The following MCPH1 variants were observed in gnomAD, a reference collection of about 807,000 sequenced individuals.
The protein encoded by MCPH1 is microcephalin 1, also known as microcephalin.
Under a neutral mutation model 84.5 loss-of-function variants are expected in MCPH1, and 104 were observed. That is an observed-to-expected ratio of 1.23 (90% CI 1.05 to 1.45). MCPH1 has a LOEUF of 1.45. Ranked by LOEUF, MCPH1 falls within the 40% of genes most tolerant of loss-of-function variation. The probability of loss-of-function intolerance (pLI) is 0.00; values close to 1 mark genes in which losing one functional copy is unlikely to be tolerated. For missense variants in MCPH1, 1,498 were observed against 1,005.7 expected, an observed-to-expected ratio of 1.49 and a Z score of -6.62; for synonymous variants, 514 against 366.8, an observed-to-expected ratio of 1.40 and a Z score of -4.58.
chr8:6,597,276 G>A (rs1215722013), intron 12 of MCPH1, among the ~76,000 whole-genome samples: 1 of 152,122 alleles, frequency 6.6e-6, no homozygotes, highest in African/African-American at 2.4e-5. Flanking sequence ...CTGTCGACCC[G>A]GAGCCAATGG....
intron 4 of MCPH1, among the ~76,000 whole-genome samples, chr8:6,432,147 G>T (rs2442523): frequency 0.67 from 101,461 of 152,200 alleles, 37,956 homozygotes; most frequent in Non-Finnish European, 0.81. Context: ...AGAAAGAATT[G>T]TTTGTAGAGA....
intron 12 of MCPH1, among the ~76,000 whole-genome samples, chr8:6,522,430 C>T (rs1009852030): frequency 6.6e-6 from 1 of 151,760 alleles, no homozygotes. Flanking sequence ...TGTTTGTTAA[C>T]GTTAATATAG....
chr8:6,465,920 T>TTTCGATCC (rs1325841568), intron 9 of MCPH1, among the ~76,000 whole-genome samples: 1 of 92,044 alleles, frequency 1.1e-5, no homozygotes, highest in Admixed American at 1.3e-4. Flanking sequence ...CAATTTTATC[T>TTTCGATCC]ATCGATCCAT....
chr8:6,478,372 A>T (rs1332208103), intron 10 of MCPH1, among the ~76,000 whole-genome samples: 1 of 152,218 alleles, frequency 6.6e-6, no homozygotes. Flanking sequence ...TAAATATATT[A>T]TGAAATATAT....
At position 6,477,590 on chromosome 8, in the gene MCPH1, C is replaced by T. The variant is rs769938090; in HGVS notation, c.1936-4C>T. The T allele has an allele frequency of 5.6e-5, 91 of 1,611,888 alleles. 3 individuals carry two copies. The South Asian group carries it at 7.4e-4, about 13-fold the overall frequency. On this transcript the variant is annotated splice_polypyrimidine_tract_variant and splice_region_variant and intron_variant, in intron 9 of 13. Coordinates refer to ENST00000344683, the MANE Select transcript of MCPH1 (RefSeq NM_024596.5). ...TTTTGTTCCTTCTTGTTTGAAATCTCTAGCCAACAAGAACATTAGTCATGA... is the reference window on the plus strand; with the variant it reads ...TTTTGTTCCTTCTTGTTTGAAATCTTTAGCCAACAAGAACATTAGTCATGA...
chr8:6,444,865 C>T lies in MCPH1; in HGVS notation c.1143C>T (p.Ile381=). ...GAAAGAGGAGCACCAGGAGATCTATCATGCCGAGGCTGCAGCTGTGCAGGT... is the reference window on the plus strand; with the variant it reads ...GAAAGAGGAGCACCAGGAGATCTATTATGCCGAGGCTGCAGCTGTGCAGGT... ...CKRKRSTRRS[I]MPRLQLCRSE... is the part of the protein sequence containing the mutation. Residue 381 remains isoleucine, a synonymous_variant, in exon 8 of 14, where the codon ATC becomes ATT. Coordinates refer to ENST00000344683, the MANE Select transcript of MCPH1 (RefSeq NM_024596.5). 1.9e-6 allele frequency: 3 copies of T among 1,614,206 alleles called. No individual in the cohort carries two copies. The highest frequency in any genetic ancestry group is 2.5e-6 in the Non-Finnish European group (3 of 1,180,048).
chr8:6,621,480 TGCAGGGCCGTACC>T lies in MCPH1; in HGVS notation c.2244_2256del (p.Gly749GlufsTer26). On this transcript the variant is annotated frameshift_variant, in exon 13 of 14. Transcript: ENST00000344683. LOFTEE classifies it high-confidence loss of function. ...TGTGCCGAAGCGAGTGCCACTTGTCTGCAGGGCCGTACCGCGGAACCCTCTTTGCCGACCAGCC... is the reference window on the plus strand; with the variant it reads ...TGTGCCGAAGCGAGTGCCACTTGTCTGCGGAACCCTCTTTGCCGACCAGCC... 1 of 1,614,134 alleles carries T rather than the reference TGCAGGGCCGTACC, an allele frequency of 6.2e-7. No homozygotes were observed. The highest frequency in any genetic ancestry group is 8.5e-7 in the Non-Finnish European group (1 of 1,180,020).
intron 7 of MCPH1, among the ~76,000 whole-genome samples, chr8:6,443,568 C>T (rs926686984): frequency 3.3e-5 from 5 of 152,224 alleles, no homozygotes; most frequent in Admixed American, 6.5e-5. Flanking sequence ...ATTGAGGGAG[C>T]CAGCACGGGA....
rs114339840 is a variant in MCPH1, at chr8:6,574,689, C to A, written c.2215-46765C>A. 1.9e-3 allele frequency among the ~76,000 whole-genome samples: 282 copies of A among 152,288 alleles called. 2 individuals carry two copies. The highest frequency in any genetic ancestry group is 6.2e-3 in the African/African-American group (258 of 41,568). ...CAGAGTCATGTTTAACAAGATTAGACACACCTGAAGCTGAAAGATAAGTGA... is the reference window on the plus strand; with the variant it reads ...CAGAGTCATGTTTAACAAGATTAGAAACACCTGAAGCTGAAAGATAAGTGA... On this transcript the variant is annotated intron_variant, in intron 12 of 13. Transcript: ENST00000344683.
chr8:6,477,607 T>C lies in MCPH1; in HGVS notation c.1949T>C (p.Leu650Ser), dbSNP rs1236410666. 3.7e-6 allele frequency: 6 copies of C among 1,613,108 alleles called. No individual in the cohort carries two copies. Among genetic ancestry groups the C allele is most frequent in the Non-Finnish European group, 5.1e-6 (6 of 1,179,468 alleles). Reference sequence around the variant, plus strand: ...TGAAATCTCTAGCCAACAAGAACATTAGTCATGACAAGCATGCCATCTGAG... The same window carrying C: ...TGAAATCTCTAGCCAACAAGAACATCAGTCATGACAAGCATGCCATCTGAG... ...SGRGKKPTRT[L>S]VMTSMPSEKQ... Residue 650 changes from leucine (L) to serine (S), a missense_variant, in exon 10 of 14, where the codon TTA (leucine) becomes TCA (serine). Physicochemically the swap from Leu to Ser is moderately radical, Grantham distance 145 (BLOSUM62 -2). Transcript: ENST00000344683.
At position 6,432,985 on chromosome 8, in the gene MCPH1, C is replaced by A. The variant is rs554140282; in HGVS notation, c.321+1399C>A. Among the ~76,000 whole-genome samples, 8 of 152,312 alleles carry A rather than the reference C, an allele frequency of 5.3e-5. 1 individual carries two copies. Among genetic ancestry groups the A allele is most frequent in the Admixed American group, 5.2e-4 (8 of 15,296 alleles). On this transcript the variant is annotated intron_variant, in intron 4 of 13. Coordinates refer to ENST00000344683, the MANE Select transcript of MCPH1 (RefSeq NM_024596.5). ...TTGATGAGTATCCTAGGTGGCATTT[C>A]TTCAGTACATTACACACATGTACAC...
At chr8:6,588,823 C>G (rs922969448) in intron 12 of MCPH1, among the ~76,000 whole-genome samples, 1 of 152,250 alleles carries the variant, frequency 6.6e-6, no homozygotes, top group African/African-American at 2.4e-5. Context: ...GGCCAGGTCA[C>G]TGCAGTGTCT....
intron 12 of MCPH1, among the ~76,000 whole-genome samples, chr8:6,585,115 A>T (rs1827866389): frequency 6.6e-6 from 1 of 152,238 alleles, no homozygotes; most frequent in African/African-American, 2.4e-5. Context: ...TATTTTTCTA[A>T]TATTTTCAGA....
At chr8:6,422,586 C>G (rs937865940) in intron 3 of MCPH1, among the ~76,000 whole-genome samples, 1 of 152,178 alleles carries the variant, frequency 6.6e-6, no homozygotes. Context: ...TTCTCTATCC[C>G]CTTTCTCTCT....
chr8:6,609,654 G>A (rs139007719), intron 12 of MCPH1, among the ~76,000 whole-genome samples: 16 of 152,290 alleles, frequency 1.1e-4, no homozygotes, highest in African/African-American at 3.9e-4. Flanking sequence ...AGCCGGGAGC[G>A]ATTATCCTGA....
chr8:6,442,437 T>C (rs999709359), intron 7 of MCPH1, among the ~76,000 whole-genome samples: 1 of 152,242 alleles, frequency 6.6e-6, no homozygotes, highest in Admixed American at 6.5e-5. Context: ...AACTAATCTG[T>C]ATGCAGTTTA....
intron 12 of MCPH1, among the ~76,000 whole-genome samples, chr8:6,563,622 T>A (rs1229215906): frequency 6.6e-6 from 1 of 152,234 alleles, no homozygotes; most frequent in Non-Finnish European, 1.5e-5. Flanking sequence ...CCTTTAGGAA[T>A]AAAAATATTA....
At chr8:6,492,996 C>G (rs190614010) in intron 11 of MCPH1, among the ~76,000 whole-genome samples, 3 of 152,170 alleles carry the variant, frequency 2.0e-5, no homozygotes, top group Admixed American at 6.5e-5. Flanking sequence ...TCTTAGTAGC[C>G]ATAATATTTG....
intron 12 of MCPH1, among the ~76,000 whole-genome samples, chr8:6,536,150 G>C (rs1307411621): frequency 1.3e-5 from 2 of 152,134 alleles, no homozygotes; most frequent in African/African-American, 4.8e-5. Flanking sequence ...TATATGATGT[G>C]ACAGTCAGGT....
Sources: gnomAD v4.1 joint callset for allele counts (sites outside exome capture counted in the v4.1 genomes callset) on GRCh38, gnomAD v4.1.1 for gene constraint, MANE v1.5 for transcripts, NCBI Gene and HGNC (gene_info 2026-07-23, HGNC 2026-07-21) for gene names.